The following AAMDC variants were observed in gnomAD, a reference collection of about 807,000 sequenced individuals.
AAMDC encodes adipogenesis associated Mth938 domain containing.
In AAMDC, 16 loss-of-function variants were observed where a neutral mutation model predicts 15.5. The ratio of observed to expected loss-of-function variants is 1.03; its 90% CI spans 0.70 to 1.57. The LOEUF (loss-of-function observed/expected upper bound fraction) is 1.57, where lower values mean the gene tolerates loss of function less well. AAMDC is among the 40% of genes most tolerant of loss of function. The pLI is 0.00. For missense variants in AAMDC, 141 were observed against 144.9 expected (o/e 0.97, Z 0.14); for synonymous variants, 51 against 51.6 (o/e 0.99, Z 0.05).
chr11:77,901,222 C>A (rs1364027254), downstream of AAMDC: 11 of 648,596 alleles, frequency 1.7e-5, no homozygotes, highest in Non-Finnish European at 2.7e-5. Flanking sequence ...GGGAGAGACA[C>A]AATTGGATTT....
At chr11:77,877,503 A>G (rs575734883) in intron 5 of AAMDC, among the ~76,000 whole-genome samples, 54 of 152,362 alleles carry the variant, frequency 3.5e-4, no homozygotes, top group Middle Eastern at 3.4e-3. Flanking sequence ...TTCGTTTCAC[A>G]GATGAGGAAA....
chr11:77,852,072 T>G (rs1950406192), intron 2 of AAMDC, among the ~76,000 whole-genome samples: 1 of 151,140 alleles, frequency 6.6e-6, no homozygotes, highest in African/African-American at 2.4e-5. Context: ...CTAAATAATT[T>G]GGAAGTAGTT....
intron 1 of AAMDC, among the ~76,000 whole-genome samples, chr11:77,839,308 TTTTG>T (rs567800766): frequency 8.9e-4 from 136 of 152,236 alleles, no homozygotes; most frequent in African/African-American, 2.8e-3. Context: ...CTTGGCTTTT[TTTTG>T]TTTGTTTGTT....
intron 1 of AAMDC, among the ~76,000 whole-genome samples, chr11:77,823,042 GTC>G (rs1241241842): frequency 6.6e-6 from 1 of 151,770 alleles, no homozygotes; most frequent in Admixed American, 6.6e-5. Flanking sequence ...GGTGAAACCC[GTC>G]TCTACTAAAA....
At chr11:77,902,583 C>G (rs966033824), downstream of AAMDC, among the ~76,000 whole-genome samples, 1 of 152,192 alleles carries the variant, frequency 6.6e-6, no homozygotes, top group Non-Finnish European at 1.5e-5. Context: ...ACTGCCTCAT[C>G]TCTAAAACAG....
chr11:77,859,564 T>C (rs901669031), intron 2 of AAMDC, among the ~76,000 whole-genome samples: 1 of 152,218 alleles, frequency 6.6e-6, no homozygotes, highest in Admixed American at 6.5e-5. Flanking sequence ...GTGAGGGCTA[T>C]TAGTTCTGCC....
At chr11:77,827,473 T>G (rs948580077) in intron 1 of AAMDC, among the ~76,000 whole-genome samples, 1 of 152,192 alleles carries the variant, frequency 6.6e-6, no homozygotes, top group African/African-American at 2.4e-5. Flanking sequence ...CTATGCAATA[T>G]TGGCTTAAAA....
At chr11:77,823,387 A>G (rs910158028) in intron 1 of AAMDC, among the ~76,000 whole-genome samples, 3 of 152,030 alleles carry the variant, frequency 2.0e-5, no homozygotes, top group African/African-American at 7.2e-5. Flanking sequence ...AGAATTCCCA[A>G]ACGGGCAAGT....
At chr11:77,891,782 G>A (rs186898886) in intron 5 of AAMDC, 3 of 1,611,856 alleles carry the variant, frequency 1.9e-6, no homozygotes, top group Non-Finnish European at 8.5e-7. Flanking sequence ...CGGGGCATAA[G>A]GTCAAGGAGT....
chr11:77,868,681 T>C (rs970252393), intron 2 of AAMDC: 1 of 175,868 alleles, frequency 5.7e-6, no homozygotes, highest in Non-Finnish European at 1.3e-5. Flanking sequence ...GTTTTTGTTG[T>C]TGTTGTTGTT....
chr11:77,833,716 C>T (rs1215501900), intron 1 of AAMDC, among the ~76,000 whole-genome samples: 1 of 152,152 alleles, frequency 6.6e-6, no homozygotes, highest in Non-Finnish European at 1.5e-5. Flanking sequence ...GAATGTTTAT[C>T]AATACCTAAC....
intron 2 of AAMDC, among the ~76,000 whole-genome samples, chr11:77,843,958 T>C (rs1188871254): frequency 6.6e-6 from 1 of 152,160 alleles, no homozygotes; most frequent in African/African-American, 2.4e-5. Context: ...TCAGATCTCA[T>C]GAGACTCATT....
chr11:77,848,264 A>T (rs140602822), intron 2 of AAMDC, among the ~76,000 whole-genome samples: 1 of 152,356 alleles, frequency 6.6e-6, no homozygotes, highest in East Asian at 1.9e-4. Context: ...CATGGCTTCC[A>T]CACTTGAGAG....
At chr11:77,889,186 C>T (rs1952150848) in intron 5 of AAMDC, among the ~76,000 whole-genome samples, 1 of 152,148 alleles carries the variant, frequency 6.6e-6, no homozygotes, top group South Asian at 2.1e-4. Flanking sequence ...AAATGTCCAA[C>T]AACGATAGAC....
chr11:77,839,941 C>A (rs1050899674), intron 1 of AAMDC, among the ~76,000 whole-genome samples: 1 of 152,000 alleles, frequency 6.6e-6, no homozygotes, highest in South Asian at 2.1e-4. Flanking sequence ...ATGTAATGAA[C>A]GTGCATGTCT....
chr11:77,830,987 C>CAAAAAAAAAAAAAAAA (rs59283485), intron 1 of AAMDC, among the ~76,000 whole-genome samples: 2 of 100,508 alleles, frequency 2.0e-5, no homozygotes, highest in Non-Finnish European at 4.1e-5. Flanking sequence ...CAAAATATAC[C>CAAAAAAAAAAAAAAAA]AAAAAAAAAA....
intron 2 of AAMDC, among the ~76,000 whole-genome samples, chr11:77,843,166 C>T (rs902317983): frequency 3.9e-5 from 6 of 152,214 alleles, no homozygotes; most frequent in Non-Finnish European, 5.9e-5. Context: ...TTTTCCACAT[C>T]CTCCTCAACA....
intron 2 of AAMDC, among the ~76,000 whole-genome samples, chr11:77,845,773 G>C (rs1305034810): frequency 6.6e-6 from 1 of 152,046 alleles, no homozygotes; most frequent in Non-Finnish European, 1.5e-5. Context: ...TTTCTTTATT[G>C]ATATTTTTTA....
chr11:77,858,302 C>CTTTTTTTTTTTTTTTTTTT (rs71473358), intron 2 of AAMDC, among the ~76,000 whole-genome samples: 2 of 69,358 alleles, frequency 2.9e-5, no homozygotes, highest in African/African-American at 1.2e-4. Context: ...TTAAGCAATT[C>CTTTTTTTTTTTTTTTTTTT]TTTTTTTTTT....
Sources: gnomAD v4.1 joint callset for allele counts (sites outside exome capture counted in the v4.1 genomes callset) on GRCh38, gnomAD v4.1.1 for gene constraint, MANE v1.5 for transcripts, NCBI Gene and HGNC (gene_info 2026-07-23, HGNC 2026-07-21) for gene names.